ADGRL2: variants seen among roughly 807,000 people sequenced by gnomAD.
ADGRL2 encodes the protein adhesion G protein-coupled receptor L2.
A neutral mutation model predicts 157.4 loss-of-function variants in ADGRL2; 44 were observed. That is an observed-to-expected ratio of 0.28 (90% CI 0.22 to 0.36). ADGRL2 has a LOEUF of 0.36. Ranked by LOEUF, ADGRL2 falls within the 10% of genes least tolerant of loss-of-function variation. The pLI, the probability that ADGRL2 is intolerant of heterozygous loss-of-function variation, is 1.00. For missense variants in ADGRL2, 1,510 were observed against 1,768.9 expected, an observed-to-expected ratio of 0.85 and a Z score of 2.63; for synonymous variants, 585 against 624.7, an observed-to-expected ratio of 0.94 and a Z score of 0.95.
chr1:81,338,926 T>C (rs1360383196), intron 1 of ADGRL2, among the ~76,000 whole-genome samples: 1 of 152,204 alleles, frequency 6.6e-6, no homozygotes, highest in African/African-American at 2.4e-5. Context: ...AGTTTTACAC[T>C]TTTCTTATTC....
At chr1:81,686,437 T>C (rs2083230270) in intron 3 of ADGRL2, among the ~76,000 whole-genome samples, 5 of 152,242 alleles carry the variant, frequency 3.3e-5, no homozygotes, top group Admixed American at 3.3e-4. Flanking sequence ...GTGTTCATAG[T>C]AGCCTTGAAT....
chr1:81,940,469 A>T (rs1647484056), intron 4 of ADGRL2, among the ~76,000 whole-genome samples: 1 of 151,632 alleles, frequency 6.6e-6, no homozygotes, highest in Non-Finnish European at 1.5e-5. Context: ...ATGTAGTCAG[A>T]ATAACACATT....
At chr1:81,368,682 C>A (rs1277067017) in intron 1 of ADGRL2, among the ~76,000 whole-genome samples, 20 of 152,186 alleles carry the variant, frequency 1.3e-4, no homozygotes, top group Admixed American at 1.3e-3. Context: ...CCTTTAATGT[C>A]TGTTCTTCAC....
At chr1:81,495,830 TAA>T (rs1218623502) in intron 2 of ADGRL2, among the ~76,000 whole-genome samples, 2 of 152,182 alleles carry the variant, frequency 1.3e-5, no homozygotes, top group Non-Finnish European at 2.9e-5. Context: ...AAACACCTGA[TAA>T]GTTTGTCATT....
chr1:81,410,491 C>T (rs2076928833), intron 1 of ADGRL2, among the ~76,000 whole-genome samples: 1 of 152,202 alleles, frequency 6.6e-6, no homozygotes, highest in Non-Finnish European at 1.5e-5. Context: ...AAGCCCCAGG[C>T]ATCAAAGGAA....
At chr1:81,479,513 G>T (rs892429164) in intron 2 of ADGRL2, among the ~76,000 whole-genome samples, 1 of 151,854 alleles carries the variant, frequency 6.6e-6, no homozygotes, top group East Asian at 1.9e-4. Context: ...CTTCTTAAAC[G>T]CCTTTAGATA....
At chr1:81,502,572 A>G (rs531052964) in intron 2 of ADGRL2, 121 of 1,614,002 alleles carry the variant, frequency 7.5e-5, no homozygotes, top group Non-Finnish European at 9.6e-5. Flanking sequence ...GGCCTGGTGG[A>G]GATCATCAAC....
At chr1:81,342,636 A>C (rs1346141453) in intron 1 of ADGRL2, among the ~76,000 whole-genome samples, 1 of 152,198 alleles carries the variant, frequency 6.6e-6, no homozygotes, top group Non-Finnish European at 1.5e-5. Context: ...GTAATCTAAT[A>C]AATTTCAATT....
chr1:81,483,626 C>T (rs189157795), intron 2 of ADGRL2, among the ~76,000 whole-genome samples: 7 of 152,138 alleles, frequency 4.6e-5, no homozygotes, highest in South Asian at 4.2e-4. Context: ...ATCAAGAATC[C>T]GGGCATGGCG....
chr1:81,306,800 C>A (rs12131651), intron 1 of ADGRL2, among the ~76,000 whole-genome samples: 3 of 151,920 alleles, frequency 2.0e-5, no homozygotes, highest in Non-Finnish European at 4.4e-5. Flanking sequence ...CTTAGAAAAA[C>A]ATTAATTTCT....
intron 2 of ADGRL2, among the ~76,000 whole-genome samples, chr1:81,899,966 G>C (rs986251520): frequency 5.9e-5 from 9 of 152,184 alleles, no homozygotes; most frequent in African/African-American, 2.2e-4. Context: ...GGCCATCATC[G>C]TTTGGAGAGG....
intron 1 of ADGRL2, among the ~76,000 whole-genome samples, chr1:81,747,024 G>A (rs1200337825): frequency 7.2e-6 from 1 of 138,202 alleles, no homozygotes; most frequent in African/African-American, 2.8e-5. Flanking sequence ...ATGTATACAC[G>A]TGTATATACG....
At chr1:81,702,637 C>CAAAACA (rs929731221) in intron 1 of ADGRL2, among the ~76,000 whole-genome samples, 1 of 151,918 alleles carries the variant, frequency 6.6e-6, no homozygotes, top group African/African-American at 2.4e-5. Flanking sequence ...GATTAGGAAA[C>CAAAACA]AAAACAAAAA....
chr1:81,537,693 T>C (rs1333480628), intron 2 of ADGRL2, among the ~76,000 whole-genome samples: 1 of 152,006 alleles, frequency 6.6e-6, no homozygotes, highest in Non-Finnish European at 1.5e-5. Flanking sequence ...CTTTTTTTTC[T>C]TTCTTTTTCT....
At chr1:81,310,849 GA>G (rs34131503) in intron 1 of ADGRL2, among the ~76,000 whole-genome samples, 36,557 of 127,888 alleles carry the variant, frequency 0.29, 4,614 homozygotes, top group Middle Eastern at 0.4. Context: ...CTCCTTGAAA[GA>G]AAAAAAAAAA....
chr1:81,445,362 T>C (rs2077580044), intron 2 of ADGRL2, among the ~76,000 whole-genome samples: 1 of 152,254 alleles, frequency 6.6e-6, no homozygotes, highest in Non-Finnish European at 1.5e-5. Flanking sequence ...TACAAAATTA[T>C]GCTTGTGATC....
At chr1:81,466,919 A>G (rs1279485061) in intron 2 of ADGRL2, among the ~76,000 whole-genome samples, 2 of 152,168 alleles carry the variant, frequency 1.3e-5, no homozygotes, top group African/African-American at 2.4e-5. Context: ...TGAAGAGGTA[A>G]TCAATCACTC....
intron 3 of ADGRL2, among the ~76,000 whole-genome samples, chr1:81,676,563 A>G (rs1160745253): frequency 1.3e-5 from 2 of 152,128 alleles, no homozygotes; most frequent in African/African-American, 2.4e-5. Context: ...GGCCTCCCAA[A>G]GTGCTGGTAT....
At chr1:81,741,885 A>G (rs565359685) in intron 1 of ADGRL2, among the ~76,000 whole-genome samples, 2 of 152,028 alleles carry the variant, frequency 1.3e-5, no homozygotes, top group East Asian at 3.9e-4. Context: ...GGAAACTGCA[A>G]ACTTTGCCAA....
Sources: gnomAD v4.1 joint callset for allele counts (sites outside exome capture counted in the v4.1 genomes callset) on GRCh38, gnomAD v4.1.1 for gene constraint, MANE v1.5 for transcripts, NCBI Gene and HGNC (gene_info 2026-07-23, HGNC 2026-07-21) for gene names.